The following RAB31 variants were observed in gnomAD, a reference collection of about 807,000 sequenced individuals.
RAB31 encodes the protein RAB31, member RAS oncogene family.
In RAB31, 21 loss-of-function variants were observed where a neutral mutation model predicts 25.6. The ratio of observed to expected loss-of-function variants is 0.82; its 90% CI spans 0.58 to 1.18. RAB31 has a LOEUF of 1.18. RAB31 is among the 50% of genes most tolerant of loss of function. RAB31 has a pLI of 0.00. For missense variants in RAB31, 196 were observed against 250.1 expected (o/e 0.78, Z 1.46); for synonymous variants, 87 against 84.0 (o/e 1.04, Z -0.20).
In RAB31 at chr18:9,792,169, C is replaced by A; in HGVS notation, c.135C>A (p.Thr45=). ...ISPTIGASFM[T]KTVPCGNELH... ...CTTTTTTCAGGGCATCTTTTATGAC[C>A]AAAACTGTGCCTTGTGGAAATGAAC... The change falls in exon 3 of 7, where the codon ACC becomes ACA. Residue 45 remains threonine (T), a synonymous_variant. Transcript: ENST00000578921. 2 of 1,611,172 alleles carry A rather than the reference C, an allele frequency of 1.2e-6. No individual in the cohort carries two copies. Among genetic ancestry groups the A allele is most frequent in the South Asian group, 2.2e-5 (2 of 90,288 alleles).
intron 1 of RAB31, among the ~76,000 whole-genome samples, chr18:9,709,221 C>CA (rs2068003395): frequency 6.6e-6 from 1 of 152,202 alleles, no homozygotes; most frequent in Admixed American, 6.5e-5. Context: ...GGACTGCAGA[C>CA]AGGGGACCCG....
chr18:9,723,895 C>T (rs551124078), intron 1 of RAB31, among the ~76,000 whole-genome samples: 6 of 152,304 alleles, frequency 3.9e-5, no homozygotes, highest in African/African-American at 1.4e-4. Context: ...CACCTCCCAA[C>T]GCTATTACAC....
chr18:9,734,128 A>AGGGAGGGAGGGAGGGAGGGAGGGAGGG (rs1555684171), intron 1 of RAB31, among the ~76,000 whole-genome samples: 1 of 115,092 alleles, frequency 8.7e-6, no homozygotes, highest in Non-Finnish European at 2.0e-5. Context: ...GGGAGGGAGG[A>AGGGAGGGAGGGAGGGAGGGAGGGAGGG]AGGCTAAACT....
intron 1 of RAB31, among the ~76,000 whole-genome samples, chr18:9,749,962 C>T (rs1330693061): frequency 2.0e-5 from 3 of 152,088 alleles, no homozygotes; most frequent in Non-Finnish European, 2.9e-5. Context: ...TCCAGTGGGC[C>T]CTTTGATTCA....
At chr18:9,732,151 C>T (rs777757303) in intron 1 of RAB31, among the ~76,000 whole-genome samples, 2 of 152,234 alleles carry the variant, frequency 1.3e-5, no homozygotes, top group Non-Finnish European at 2.9e-5. Context: ...GTAATGCCCT[C>T]AGAGCTCTTG....
intron 1 of RAB31, chr18:9,726,136 C>T (rs143923545): frequency 6.6e-6 from 1 of 152,372 alleles, no homozygotes; most frequent in African/African-American, 2.4e-5. Context: ...GGGTTCCCAG[C>T]TCCACAGTGC....
At chr18:9,747,992 G>A (rs996168052) in intron 1 of RAB31, among the ~76,000 whole-genome samples, 1 of 152,096 alleles carries the variant, frequency 6.6e-6, no homozygotes, top group Non-Finnish European at 1.5e-5. Context: ...TACGGTCAAC[G>A]GCATCCACAC....
At chr18:9,843,007 A>C (rs2068741849) in intron 5 of RAB31, among the ~76,000 whole-genome samples, 1 of 152,184 alleles carries the variant, frequency 6.6e-6, no homozygotes, top group African/African-American at 2.4e-5. Context: ...GGTACATGAT[A>C]ACTGTTCTTT....
chr18:9,760,174 G>T (rs66486348), intron 1 of RAB31, among the ~76,000 whole-genome samples: 23,654 of 144,454 alleles, frequency 0.16, 2,090 homozygotes, highest in South Asian at 0.22. Flanking sequence ...TTTTGTTTTT[G>T]TTTTTGTTTT....
At chr18:9,714,158 A>G (rs548718199) in intron 1 of RAB31, among the ~76,000 whole-genome samples, 93 of 152,348 alleles carry the variant, frequency 6.1e-4, no homozygotes, top group African/African-American at 2.2e-3. Context: ...GCCATGAGAA[A>G]ATAGGAAACT....
intron 5 of RAB31, among the ~76,000 whole-genome samples, chr18:9,817,817 CA>C (rs960689861): frequency 2.0e-5 from 3 of 152,200 alleles, no homozygotes; most frequent in African/African-American, 4.8e-5. Context: ...GTGCAATTTT[CA>C]TAGTGCCCCA....
chr18:9,772,821 G>A (rs901756836), intron 1 of RAB31, among the ~76,000 whole-genome samples: 5 of 152,134 alleles, frequency 3.3e-5, no homozygotes, highest in African/African-American at 9.7e-5. Flanking sequence ...GTTCCTCAGT[G>A]TCCAGTTTCT....
intron 1 of RAB31, among the ~76,000 whole-genome samples, chr18:9,762,270 G>T (rs2068293111): frequency 6.6e-6 from 1 of 152,200 alleles, no homozygotes; most frequent in Admixed American, 6.5e-5. Flanking sequence ...CAATTGTCAT[G>T]ATTCTTCATC....
intron 1 of RAB31, among the ~76,000 whole-genome samples, chr18:9,723,340 G>A (rs1363026985): frequency 6.6e-6 from 1 of 152,108 alleles, no homozygotes; most frequent in Non-Finnish European, 1.5e-5. Flanking sequence ...GAGCCACCGT[G>A]CCTGGCCTGT....
chr18:9,739,975 T>C (rs1413763665), intron 1 of RAB31, among the ~76,000 whole-genome samples: 1 of 152,234 alleles, frequency 6.6e-6, no homozygotes, highest in Non-Finnish European at 1.5e-5. Context: ...GCCAGGCCAG[T>C]TGTGTCTTCC....
chr18:9,806,365 C>CAG (rs901871702), intron 3 of RAB31, among the ~76,000 whole-genome samples: 1 of 152,066 alleles, frequency 6.6e-6, no homozygotes, highest in African/African-American at 2.4e-5. Flanking sequence ...GATAGGGATT[C>CAG]AGGGAAGGGT....
intron 6 of RAB31, among the ~76,000 whole-genome samples, chr18:9,852,734 G>A (rs2143148421): frequency 6.6e-6 from 1 of 152,212 alleles, no homozygotes; most frequent in Admixed American, 6.5e-5. Context: ...GTCTTTGTGT[G>A]TGTAAATACT....
chr18:9,737,818 A>C (rs1432829720), intron 1 of RAB31, among the ~76,000 whole-genome samples: 1 of 152,202 alleles, frequency 6.6e-6, no homozygotes, highest in Admixed American at 6.5e-5. Context: ...TAGCATAAGG[A>C]AACCAAGCAG....
intron 1 of RAB31, among the ~76,000 whole-genome samples, chr18:9,765,451 G>A (rs529244390): frequency 1.5e-4 from 23 of 152,290 alleles, no homozygotes; most frequent in Non-Finnish European, 3.1e-4. Flanking sequence ...TATAGAATGG[G>A]TGGTAATAAC....
Sources: allele counts gnomAD v4.1 joint callset (sites outside exome capture counted in the v4.1 genomes callset), GRCh38; gene constraint gnomAD v4.1.1; transcripts MANE v1.5; gene names NCBI Gene and HGNC (gene_info 2026-07-23, HGNC 2026-07-21).